Variants in ADAMTS6 observed in about 807,000 individuals in gnomAD.
ADAMTS6 encodes the protein A disintegrin and metalloproteinase with thrombospondin motifs 6.
In ADAMTS6, 23 loss-of-function variants were observed where a neutral mutation model predicts 144.3. That is an observed-to-expected ratio of 0.16 (90% CI 0.11 to 0.23). The LOEUF is 0.23. Ranked by LOEUF, ADAMTS6 falls within the 10% of genes least tolerant of loss-of-function variation. The pLI is 1.00. For synonymous variants in ADAMTS6, 444 were observed against 457.5 expected (o/e 0.97, Z 0.38); for missense variants, 999 against 1,379.6 (o/e 0.72, Z 4.37).
chr5:65,191,133 C>G (rs970537796), intron 21 of ADAMTS6, among the ~76,000 whole-genome samples: 1 of 152,078 alleles, frequency 6.6e-6, no homozygotes, highest in African/African-American at 2.4e-5. Flanking sequence ...TCTTTCTGAG[C>G]TTTTCCCAAT....
chr5:65,442,322 T>C (rs760277039), intron 7 of ADAMTS6, among the ~76,000 whole-genome samples: 58 of 152,096 alleles, frequency 3.8e-4, no homozygotes, highest in Non-Finnish European at 4.1e-4. Flanking sequence ...ACATATTCCT[T>C]GAAATACTCA....
At chr5:65,398,781 CAA>C (rs57114464) in intron 7 of ADAMTS6, among the ~76,000 whole-genome samples, 23,966 of 106,852 alleles carry the variant, frequency 0.22, 3,973 homozygotes, top group African/African-American at 0.42. Flanking sequence ...GAAGAGAGAG[CAA>C]GAAAGAAAGA....
intron 15 of ADAMTS6, among the ~76,000 whole-genome samples, chr5:65,230,327 CATTAT>C (rs1758068286): frequency 8.1e-6 from 1 of 122,732 alleles, no homozygotes; most frequent in South Asian, 2.4e-4. Context: ...ATATATAATA[CATTAT>C]ATATATGAAA....
At chr5:65,288,675 A>C (rs1440578196) in intron 11 of ADAMTS6, among the ~76,000 whole-genome samples, 1 of 152,194 alleles carries the variant, frequency 6.6e-6, no homozygotes, top group Non-Finnish European at 1.5e-5. Context: ...TAGTTGAAAG[A>C]GGAATCATTT....
chr5:65,331,495 A>T (rs1318835697), intron 8 of ADAMTS6, among the ~76,000 whole-genome samples: 1 of 152,100 alleles, frequency 6.6e-6, no homozygotes, highest in African/African-American at 2.4e-5. Context: ...ATAAAGCTAA[A>T]TCTTAACTAA....
intron 7 of ADAMTS6, among the ~76,000 whole-genome samples, chr5:65,427,632 A>G (rs921305669): frequency 3.3e-5 from 5 of 152,030 alleles, no homozygotes; most frequent in Admixed American, 6.6e-5. Context: ...CCCCGTCTCT[A>G]CTAAAAATAC....
At chr5:65,413,873 A>G (rs1755269980) in intron 7 of ADAMTS6, among the ~76,000 whole-genome samples, 1 of 152,172 alleles carries the variant, frequency 6.6e-6, no homozygotes, top group African/African-American at 2.4e-5. Flanking sequence ...TATTAACATA[A>G]TTAAATCAAC....
intron 7 of ADAMTS6, among the ~76,000 whole-genome samples, chr5:65,384,460 A>AGTTCTTTGTC (rs1752318528): frequency 6.6e-6 from 1 of 152,130 alleles, no homozygotes; most frequent in Non-Finnish European, 1.5e-5. Context: ...GCAGAACACA[A>AGTTCTTTGTC]ACACAATTCA....
intron 7 of ADAMTS6, among the ~76,000 whole-genome samples, chr5:65,344,630 T>TA (rs1417941394): frequency 6.6e-6 from 1 of 152,040 alleles, no homozygotes; most frequent in African/African-American, 2.4e-5. Context: ...TATTTTTATA[T>TA]ATTTGTCTGA....
chr5:65,460,163 C>G lies in ADAMTS6; in HGVS notation c.631+7G>C, dbSNP rs1243965085. 1 of 1,613,532 alleles carries G rather than the reference C, an allele frequency of 6.2e-7. No homozygotes were observed. The highest frequency in any genetic ancestry group is 1.7e-5 in the Admixed American group (1 of 59,968). Reference sequence around the variant, plus strand: ...ATACGCTTTGTAAAAGCTGCACACTCACTCACCCGAAACCCCACAATGAGA... The same window carrying G: ...ATACGCTTTGTAAAAGCTGCACACTGACTCACCCGAAACCCCACAATGAGA... On this transcript the variant is annotated splice_region_variant and intron_variant, in intron 4 of 24. Transcript: ENST00000381055.
chr5:65,380,137 C>G (rs887837200), intron 7 of ADAMTS6, among the ~76,000 whole-genome samples: 26 of 151,800 alleles, frequency 1.7e-4, no homozygotes, highest in Admixed American at 2.6e-4. Context: ...TTTCTCCAGA[C>G]AGCCATTTCA....
In ADAMTS6 at chr5:65,247,373, G is replaced by A. The variant is rs147297096; in HGVS notation, c.1831-5167C>T. 6.3e-3 allele frequency among the ~76,000 whole-genome samples: 954 copies of A among 152,176 alleles called. 19 individuals carry two copies. The highest frequency in any genetic ancestry group is 0.022 in the African/African-American group (911 of 41,498). ...CTAAAAAAAGGAATAATTCATTGAGGCCTAAAAGTTGCTACAGAAAGAAAT... is the reference window on the plus strand; with the variant it reads ...CTAAAAAAAGGAATAATTCATTGAGACCTAAAAGTTGCTACAGAAAGAAAT... On this transcript the variant is annotated intron_variant, in intron 14 of 24. Transcript: ENST00000381055.
At chr5:65,391,318 A>G (rs1311866407) in intron 7 of ADAMTS6, among the ~76,000 whole-genome samples, 2 of 152,182 alleles carry the variant, frequency 1.3e-5, no homozygotes, top group Admixed American at 1.3e-4. Context: ...TGCGAAAATG[A>G]AAATAGCACA....
At chr5:65,326,707 A>G (rs1746208722) in intron 9 of ADAMTS6, among the ~76,000 whole-genome samples, 1 of 152,176 alleles carries the variant, frequency 6.6e-6, no homozygotes, top group Non-Finnish European at 1.5e-5. Context: ...ACAAAAAATC[A>G]GTATACTTCA....
chr5:65,354,417 T>A (rs1749137655), intron 7 of ADAMTS6, among the ~76,000 whole-genome samples: 1 of 151,792 alleles, frequency 6.6e-6, no homozygotes, highest in Admixed American at 6.6e-5. Flanking sequence ...AAATAATGTA[T>A]ATATACATTA....
intron 10 of ADAMTS6, among the ~76,000 whole-genome samples, chr5:65,296,641 A>T (rs936209082): frequency 6.6e-6 from 1 of 152,178 alleles, no homozygotes; most frequent in Non-Finnish European, 1.5e-5. Context: ...TAGAGAGGAA[A>T]TGTAAGTGCT....
At chr5:65,173,971 G>A (rs569327893) in intron 22 of ADAMTS6, among the ~76,000 whole-genome samples, 3 of 150,764 alleles carry the variant, frequency 2.0e-5, no homozygotes, top group African/African-American at 4.9e-5. Context: ...GCAGTGAGCC[G>A]AGATTGCACC....
intron 7 of ADAMTS6, among the ~76,000 whole-genome samples, chr5:65,440,573 G>A (rs180927346): frequency 6.6e-6 from 1 of 152,280 alleles, no homozygotes; most frequent in East Asian, 1.9e-4. Context: ...AGATAATTGT[G>A]GAGATTTGCA....
intron 7 of ADAMTS6, among the ~76,000 whole-genome samples, chr5:65,409,116 A>C (rs1325051777): frequency 6.6e-6 from 1 of 152,206 alleles, no homozygotes; most frequent in Admixed American, 6.5e-5. Context: ...AAACACATTC[A>C]AAAGCTAGCA....
Sources: gnomAD v4.1 joint callset for allele counts (sites outside exome capture counted in the v4.1 genomes callset) on GRCh38, gnomAD v4.1.1 for gene constraint, MANE v1.5 for transcripts, NCBI Gene and HGNC (gene_info 2026-07-23, HGNC 2026-07-21) for gene names.